Variants in ABL1 observed in about 807,000 individuals in gnomAD.
ABL1 encodes the protein tyrosine-protein kinase ABL1.
ABL1 carries 11 observed loss-of-function variants against 94.7 expected under a neutral mutation model. The ratio of observed to expected loss-of-function variants is 0.12; its 90% CI spans 0.07 to 0.19. The LOEUF is 0.19. Among genes scored for constraint, ABL1 ranks in the 10% least tolerant of loss-of-function variants. ABL1 has a pLI of 1.00. For synonymous variants in ABL1, 656 were observed against 622.4 expected (o/e 1.05, Z -0.80); for missense variants, 1,082 against 1,489.4 (o/e 0.73, Z 4.50).
chr9:130,872,036 G>A lies in ABL1; in HGVS notation c.823-93G>A, dbSNP rs1465300229. The A allele has an allele frequency of 8.8e-6, 10 of 1,134,670 alleles. No individual in the cohort carries two copies. The highest frequency in any genetic ancestry group is 2.5e-5 in the East Asian group (1 of 40,420). The allele number at this position is 1,134,670 out of a possible 1,614,324, so 70.3% of individuals were successfully genotyped here. On this transcript the variant is annotated intron_variant, in intron 4 of 10. Coordinates refer to ENST00000318560, the MANE Select transcript of ABL1 (RefSeq NM_005157.6). This position sits in a 1 kb window ranked among gnomAD's most constrained non-coding sequence, Gnocchi z 5.0. Reference sequence around the variant, plus strand: ...AAAACGCAGCCCAGGACGAGTATGCGCTGAAGCTCCATTTTGCATTAACTA... The same window carrying A: ...AAAACGCAGCCCAGGACGAGTATGCACTGAAGCTCCATTTTGCATTAACTA...
chr9:130,770,024 T>C (rs1041372009), intron 1 of ABL1, among the ~76,000 whole-genome samples: 4 of 152,180 alleles, frequency 2.6e-5, no homozygotes, highest in Non-Finnish European at 5.9e-5. Context: ...CCACATTTCC[T>C]CCTTTTGTGT....
intron 10 of ABL1, among the ~76,000 whole-genome samples, chr9:130,881,323 T>C (rs12351264): frequency 0.024 from 3,675 of 152,146 alleles, 145 homozygotes; most frequent in African/African-American, 0.083. Context: ...AACAAAAGCA[T>C]TGAGGGGTGT....
At chr9:130,781,910 T>G (rs1564288472) in intron 1 of ABL1, among the ~76,000 whole-genome samples, 1 of 152,186 alleles carries the variant, frequency 6.6e-6, no homozygotes, top group Admixed American at 6.5e-5. Context: ...GGAATACATA[T>G]TCAGTTATGA....
intron 1 of ABL1, among the ~76,000 whole-genome samples, chr9:130,717,644 C>T (rs1831459988): frequency 1.3e-5 from 2 of 150,284 alleles, no homozygotes; most frequent in East Asian, 2.0e-4. Context: ...AGAGGGAGAC[C>T]GTGTCTCTGG....
intron 1 of ABL1, among the ~76,000 whole-genome samples, chr9:130,852,619 A>G: frequency 6.6e-6 from 1 of 152,160 alleles, no homozygotes; most frequent in East Asian, 1.9e-4. Context: ...CTGGTTTGCA[A>G]GAACTCGTCT....
At chr9:130,770,075 TTTATCCATTC>T (rs1173452273) in intron 1 of ABL1, among the ~76,000 whole-genome samples, 4 of 152,184 alleles carry the variant, frequency 2.6e-5, no homozygotes, top group Non-Finnish European at 4.4e-5. Flanking sequence ...CCACAGTTTG[TTTATCCATTC>T]ACCAGCTGAA....
chr9:130,743,343 G>C (rs1045932194), intron 1 of ABL1, among the ~76,000 whole-genome samples: 6 of 152,222 alleles, frequency 3.9e-5, no homozygotes, highest in Non-Finnish European at 4.4e-5. Context: ...AAAGTGCTGG[G>C]ATTACAGGTG....
Position 130,835,413 on chromosome 9 carries a change from G to C in ABL1, c.-34G>C, listed in dbSNP as rs751784616. 1 of 1,389,418 alleles carries C rather than the reference G, an allele frequency of 7.2e-7. No individual in the cohort carries two copies. Among genetic ancestry groups the C allele is most frequent in the Non-Finnish European group, 9.4e-7 (1 of 1,062,730 alleles). The allele number at this position is 1,389,418 out of a possible 1,614,324, so 86.1% of individuals were successfully genotyped here. On this transcript the variant is annotated 5_prime_UTR_variant, in exon 1 of 11. Transcript: ENST00000318560. This position sits in a 1 kb window ranked among gnomAD's most constrained non-coding sequence, Gnocchi z 4.6. ...CGGGCCCGCGGACCGAGCTGGGAGA[G>C]GGGTTCCGGCCCCCGACGTGCTGGC...
At position 130,835,264 on chromosome 9, in the gene ABL1, G is replaced by A. The variant is rs1185965606; in HGVS notation, c.-183G>A. 1 of 151,998 alleles carries A rather than the reference G, an allele frequency of 6.6e-6. No individual in the cohort carries two copies. The highest frequency in any genetic ancestry group is 1.4e-5 in the Non-Finnish European group (1 of 69,638). 9.4% of individuals were successfully genotyped at this position (151,998 alleles called of 1,614,324 possible). A position where few individuals can be genotyped will look rare whatever the true frequency, so the allele number is the denominator to read the frequency against. ...CTCTCCGGGCCCTTTGTTAACAGGC[G>A]CGTCCCGGCCAGGCGGAGACGCGGC... On this transcript the variant is annotated 5_prime_UTR_variant, in exon 1 of 11. Coordinates refer to ENST00000318560, the MANE Select transcript of ABL1 (RefSeq NM_005157.6). The surrounding 1 kb of genome is among the most constrained non-coding windows in gnomAD (Gnocchi z 4.6).
At chr9:130,790,070 C>T (rs980461325) in intron 1 of ABL1, among the ~76,000 whole-genome samples, 4 of 152,208 alleles carry the variant, frequency 2.6e-5, no homozygotes, top group African/African-American at 9.7e-5. Flanking sequence ...GAAGCTAGCA[C>T]AACAGTTTAA....
rs2133040750 is a variant in ABL1, at chr9:130,885,592, C to T, written c.3302C>T (p.Pro1101Leu). The T allele has an allele frequency of 1.9e-6, 3 of 1,613,810 alleles. No homozygotes were observed. The highest frequency in any genetic ancestry group is 1.1e-5 in the South Asian group (1 of 91,082). ...ENNLRELQICPATAGSGPAAT... is the reference protein window; with the variant it reads ...ENNLRELQICLATAGSGPAAT... ...AATCTCCGGGAGCTTCAGATCTGCC[C>T]GGCGACAGCAGGCAGTGGTCCAGCG... Residue 1101 changes from proline (P) to leucine (L), a missense_variant, in exon 11 of 11, where the codon CCG (proline) becomes CTG (leucine). Transcript: ENST00000318560.
At chr9:130,794,762 T>C (rs944476729) in intron 1 of ABL1, among the ~76,000 whole-genome samples, 3 of 152,186 alleles carry the variant, frequency 2.0e-5, no homozygotes, top group African/African-American at 7.2e-5. Flanking sequence ...CTCTTTCTTA[T>C]GCTTTTGTTA....
At chr9:130,794,364 G>A (rs939021434) in intron 1 of ABL1, among the ~76,000 whole-genome samples, 3 of 152,132 alleles carry the variant, frequency 2.0e-5, no homozygotes, top group African/African-American at 4.8e-5. Context: ...AGCAGACTAT[G>A]TCATAGTCAA....
At chr9:130,752,815 T>C (rs1332179726) in intron 1 of ABL1, among the ~76,000 whole-genome samples, 1 of 151,884 alleles carries the variant, frequency 6.6e-6, no homozygotes, top group Non-Finnish European at 1.5e-5. Flanking sequence ...AAAAAATAGC[T>C]GAACGTGGTG....
In ABL1 at chr9:130,862,061, G is replaced by A. The variant is rs34834982; in HGVS notation, c.550-702G>A. ...CGTAAATCCTTCCTTTTGCTTCCTC[G>A]TGTTGGATGTGTTTAGTGGTTTTCA... is the stretch of plus-strand genomic sequence containing the variant. On this transcript the variant is annotated intron_variant, in intron 3 of 10. Transcript: ENST00000318560. The surrounding 1 kb of genome is among the most constrained non-coding windows in gnomAD (Gnocchi z 5.5). Among the ~76,000 whole-genome samples the A allele has an allele frequency of 3.9e-5, 6 of 152,264 alleles. No homozygotes were observed. In the South Asian group the frequency reaches 6.2e-4, roughly 16 times the overall value.
At chr9:130,861,461 C>T (rs926382575) in intron 3 of ABL1, among the ~76,000 whole-genome samples, 1 of 151,324 alleles carries the variant, frequency 6.6e-6, no homozygotes, top group African/African-American at 2.5e-5. Flanking sequence ...AAACATTTTT[C>T]TTATTTACTA....
At position 130,884,102 on chromosome 9, in the gene ABL1, C is replaced by CAAG. The variant is rs201725154; in HGVS notation, c.1826_1828dup (p.Lys609dup). The stretch of plus-strand genomic sequence containing the variant: ...AGACCAACTTGTTCAGCGCCTTGAT[C>CAAG]AAGAAGAAGAAGAAGACAGCCCCAA... On this transcript the variant is annotated inframe_insertion, in exon 11 of 11. Transcript: ENST00000318560. The surrounding 1 kb of genome is among the most constrained non-coding windows in gnomAD (Gnocchi z 5.6). The CAAG allele has an allele frequency of 6.8e-6, 11 of 1,612,708 alleles. No individual in the cohort carries two copies. The highest frequency in any genetic ancestry group is 1.7e-5 in the Admixed American group (1 of 59,920).
chr9:130,834,107 G>A (rs1830527819), upstream of ABL1: 2 of 455,766 alleles, frequency 4.4e-6, no homozygotes, highest in African/African-American at 2.0e-5. Flanking sequence ...GAGCATCTGT[G>A]GGGTTTGTTT....
chr9:130,868,570 C>T (rs1831198650), intron 4 of ABL1, among the ~76,000 whole-genome samples: 1 of 131,894 alleles, frequency 7.6e-6, no homozygotes, highest in Non-Finnish European at 1.5e-5. Context: ...GTAGTTCAGG[C>T]TGGAGTGCAG....
Sources: gnomAD v4.1 joint callset for allele counts (sites outside exome capture counted in the v4.1 genomes callset) on GRCh38, gnomAD v4.1.1 for gene constraint, Gnocchi (gnomAD v3.1) non-coding constraint, MANE v1.5 for transcripts, NCBI Gene and HGNC (gene_info 2026-07-23, HGNC 2026-07-21) for gene names.